Variants in CUX1 observed in about 807,000 individuals in gnomAD.
The protein encoded by CUX1 is cut like homeobox 1, also known as protein CASP.
CUX1 carries 31 observed loss-of-function variants against 158.8 expected under a neutral mutation model. That is an observed-to-expected ratio of 0.20 (90% CI 0.15 to 0.26). The LOEUF is 0.26. CUX1 is among the 10% of genes least tolerant of loss of function. The pLI, the probability that CUX1 is intolerant of heterozygous loss-of-function variation, is 1.00. For missense variants in CUX1, 1,589 were observed against 2,014.6 expected (o/e 0.79, Z 4.04); for synonymous variants, 879 against 862.1 (o/e 1.02, Z -0.34).
intron 8 of CUX1, among the ~76,000 whole-genome samples, chr7:102,138,960 C>T (rs1834170372): frequency 2.0e-5 from 3 of 152,098 alleles, no homozygotes; most frequent in African/African-American, 4.8e-5. Context: ...AATGTATCAG[C>T]TTGGCCGGGC....
chr7:102,164,369 G>A (rs75869026), intron 9 of CUX1, among the ~76,000 whole-genome samples: 9,764 of 152,262 alleles, frequency 0.064, 429 homozygotes, highest in African/African-American at 0.11. Context: ...CTCAGAGTCC[G>A]TGCTCAAAAA....
intron 2 of CUX1, among the ~76,000 whole-genome samples, chr7:101,984,125 T>TAC (rs1813929628): frequency 8.2e-4 from 26 of 31,900 alleles, no homozygotes; most frequent in African/African-American, 2.5e-3. Flanking sequence ...TATATATATA[T>TAC]ATATACACAC....
chr7:102,229,996 A>T (rs1554530087), intron 21 of CUX1, among the ~76,000 whole-genome samples: 1 of 152,176 alleles, frequency 6.6e-6, no homozygotes, highest in African/African-American at 2.4e-5. Flanking sequence ...TGGTTTAGGC[A>T]CGCGGAGATT....
chr7:102,096,106 C>CT (rs1366643047), intron 4 of CUX1, among the ~76,000 whole-genome samples: 1 of 152,246 alleles, frequency 6.6e-6, no homozygotes, highest in Non-Finnish European at 1.5e-5. Flanking sequence ...CTTGAATTGG[C>CT]TGCAAGACCC....
At chr7:101,913,327 C>A in intron 1 of CUX1, 1 of 1,264,986 alleles carries the variant, frequency 7.9e-7, no homozygotes, top group Non-Finnish European at 1.0e-6. Context: ...CCCATGCCGA[C>A]CTGCATATGT....
chr7:102,174,819 A>G lies in CUX1; in HGVS notation c.829-3650A>G, dbSNP rs1416566637. 2.0e-5 allele frequency among the ~76,000 whole-genome samples: 3 copies of G among 152,196 alleles called. No homozygotes were observed. In the East Asian group the frequency reaches 5.8e-4, roughly 29 times the overall value. The stretch of plus-strand genomic sequence containing the variant: ...ATTTGCCTTTGCCAGGCATGGTGGC[A>G]TGTGCCTGTAATCCCAACTACTCAG... On this transcript the variant is annotated intron_variant, in intron 10 of 23. Transcript: ENST00000292535.
intron 3 of CUX1, among the ~76,000 whole-genome samples, chr7:102,059,631 C>CAAAA (rs747660590): frequency 1.1e-5 from 1 of 88,240 alleles, no homozygotes; most frequent in Non-Finnish European, 2.4e-5. Context: ...GACTTCATCT[C>CAAAA]AAAAAAAAAA....
At chr7:102,236,172 G>C (rs994601200) in intron 22 of CUX1, among the ~76,000 whole-genome samples, 7 of 152,348 alleles carry the variant, frequency 4.6e-5, no homozygotes, top group Admixed American at 2.6e-4. Context: ...TTTCAAAGCA[G>C]ATGCTCTTAA....
chr7:101,900,372 C>G (rs1406794574), intron 1 of CUX1, among the ~76,000 whole-genome samples: 2 of 152,236 alleles, frequency 1.3e-5, no homozygotes, highest in East Asian at 3.8e-4. Flanking sequence ...GCTCTCTCTG[C>G]CATACGAGTG....
intron 1 of CUX1, among the ~76,000 whole-genome samples, chr7:101,889,329 A>T (rs1481847396): frequency 6.6e-6 from 1 of 152,024 alleles, no homozygotes; most frequent in Non-Finnish European, 1.5e-5. Context: ...GTAGAAAAAC[A>T]GTACTGTTCC....
At chr7:101,875,638 C>T (rs1799043650) in intron 1 of CUX1, among the ~76,000 whole-genome samples, 1 of 152,128 alleles carries the variant, frequency 6.6e-6, no homozygotes, top group Non-Finnish European at 1.5e-5. Flanking sequence ...CACAGGAGGA[C>T]ACCTCATCTG....
chr7:102,132,320 C>T (rs568881777), intron 8 of CUX1, among the ~76,000 whole-genome samples: 154 of 326 alleles, frequency 0.47, 3 homozygotes, highest in African/African-American at 0.5. Flanking sequence ...CGCGCGCGCG[C>T]GCGCACGCCA....
chr7:102,064,560 T>A (rs1416031091), intron 3 of CUX1, among the ~76,000 whole-genome samples: 1 of 152,218 alleles, frequency 6.6e-6, no homozygotes, highest in African/African-American at 2.4e-5. Context: ...GTGGATGGGC[T>A]GAGCTCCCTG....
chr7:102,042,929 A>G (rs935455939), intron 3 of CUX1, among the ~76,000 whole-genome samples: 1 of 100,836 alleles, frequency 9.9e-6, no homozygotes, highest in Non-Finnish European at 2.2e-5. Flanking sequence ...AGTTAGGACT[A>G]TAGGCTCCTG....
chr7:102,186,595 A>ATATATATT (rs1554515377), intron 11 of CUX1, among the ~76,000 whole-genome samples: 1 of 128,556 alleles, frequency 7.8e-6, no homozygotes. Context: ...ATATATATAT[A>ATATATATT]TTTTTTTTTA....
intron 3 of CUX1, among the ~76,000 whole-genome samples, chr7:102,060,608 AACACACACACACAC>A (rs58786987): frequency 6.8e-5 from 9 of 133,214 alleles, no homozygotes; most frequent in East Asian, 2.3e-4. Flanking sequence ...CACACAAATA[AACACACACACACAC>A]ACACACACAC....
chr7:102,084,429 T>TC (rs1266016963), intron 4 of CUX1, among the ~76,000 whole-genome samples: 1 of 83,186 alleles, frequency 1.2e-5, no homozygotes, highest in Admixed American at 1.2e-4. Context: ...ACTTTTTTCT[T>TC]TTTTTTTTTT....
rs1385974285 is a variant in CUX1, at chr7:102,258,022, G to A, written c.*8980G>A. 1.7e-5 allele frequency: 17 copies of A among 983,488 alleles called. No individual in the cohort carries two copies. Among genetic ancestry groups the A allele is most frequent in the South Asian group, 1.4e-4 (3 of 21,250 alleles). The allele number at this position is 983,488 out of a possible 1,614,324, so 60.9% of individuals were successfully genotyped here. A position where few individuals can be genotyped will look rare whatever the true frequency, so the allele number is the denominator to read the frequency against. On this transcript the variant is annotated 3_prime_UTR_variant, in exon 24 of 24. Coordinates refer to ENST00000292535, the MANE Select transcript of CUX1 (RefSeq NM_181552.4). ...CTACATTAAGAGTCAAAGTTGACCT[G>A]GCTGGCGTGGGGGTGGGGGAGGCAC...
In CUX1 at chr7:102,256,662, T is replaced by C; in HGVS notation, c.*7620T>C. 4 of 985,438 alleles carry C rather than the reference T, an allele frequency of 4.1e-6. No homozygotes were observed. The highest frequency in any genetic ancestry group is 3.6e-6 in the Non-Finnish European group (3 of 829,934). The allele number at this position is 985,438 out of a possible 1,614,324, so 61.0% of individuals were successfully genotyped here. A position where few individuals can be genotyped will look rare whatever the true frequency, so the allele number is the denominator to read the frequency against. On this transcript the variant is annotated 3_prime_UTR_variant, in exon 24 of 24. Transcript: ENST00000292535. ...AGGGAGTTGCTGAGTTGAAGAATGC[T>C]CGCTTGAGGAGCTTCAGAGGAATCT...
Sources: gnomAD v4.1 joint callset for allele counts (sites outside exome capture counted in the v4.1 genomes callset) on GRCh38, gnomAD v4.1.1 for gene constraint, MANE v1.5 for transcripts, NCBI Gene and HGNC (gene_info 2026-07-23, HGNC 2026-07-21) for gene names.